The following LRRC20 variants were observed in gnomAD, a reference collection of about 807,000 sequenced individuals.
LRRC20 encodes the protein leucine-rich repeat-containing protein 20.
Under a neutral mutation model 14.4 loss-of-function variants are expected in LRRC20, and 11 were observed. The ratio of observed to expected loss-of-function variants is 0.77; its 90% CI spans 0.48 to 1.27. The LOEUF is 1.27. LRRC20 is among the 50% of genes most tolerant of loss of function. LRRC20 has a pLI of 0.00. For synonymous variants in LRRC20, 121 were observed against 107.3 expected, an observed-to-expected ratio of 1.13 and a Z score of -0.79; for missense variants, 219 against 251.2, an observed-to-expected ratio of 0.87 and a Z score of 0.87.
chr10:70,356,019 C>T (rs943606544), intron 2 of LRRC20, among the ~76,000 whole-genome samples: 19 of 152,188 alleles, frequency 1.2e-4, no homozygotes, highest in African/African-American at 3.6e-4. Context: ...GAGCATGAGG[C>T]CCTCCAGCCA....
chr10:70,330,914 G>A (rs74139080), intron 3 of LRRC20, among the ~76,000 whole-genome samples: 2,090 of 152,302 alleles, frequency 0.014, 54 homozygotes, highest in African/African-American at 0.048. Flanking sequence ...TGAGAAGCAG[G>A]TGACCACACC....
chr10:70,337,591 T>TGGGGAG (rs1456751526), intron 3 of LRRC20, among the ~76,000 whole-genome samples: 2 of 152,170 alleles, frequency 1.3e-5, no homozygotes, highest in Non-Finnish European at 2.9e-5. Context: ...CCATGCCCTC[T>TGGGGAG]GGGGAGGGCC....
chr10:70,376,467 C>T lies in LRRC20; in HGVS notation c.67G>A (p.Gly23Ser), dbSNP rs115734772. 20 of 1,614,096 alleles carry T rather than the reference C, an allele frequency of 1.2e-5. No homozygotes were observed. In the East Asian group the frequency reaches 2.5e-4, roughly 20 times the overall value. ...CCTCACTCACCCAGAGTGTCAGAGC[C>T]GCTCTCCACCGTCTCGTTGACCTTC... ...ARKVNETVES[G>S]SDTLDLAECK... Residue 23 changes from glycine to serine, a missense_variant, in exon 2 of 5, where the codon GGC (glycine) becomes AGC (serine). Transcript: ENST00000446961.
intron 2 of LRRC20, among the ~76,000 whole-genome samples, chr10:70,347,164 TTTATTGGAAA>T (rs201032828): frequency 0.011 from 1,601 of 152,230 alleles, 26 homozygotes; most frequent in African/African-American, 0.037. Context: ...AAAGTTAACT[TTTATTGGAAA>T]AAATAACCTG....
chr10:70,358,625 C>T (rs12769785), intron 2 of LRRC20, among the ~76,000 whole-genome samples: 21,437 of 152,156 alleles, frequency 0.14, 1,675 homozygotes, highest in South Asian at 0.29. Context: ...CATGGCTGGC[C>T]TCAACCACCT....
intron 2 of LRRC20, 50 bp from the exon 3 acceptor site, chr10:70,340,752 G>C: frequency 1.2e-6 from 2 of 1,601,130 alleles, no homozygotes; most frequent in Non-Finnish European, 1.7e-6. Flanking sequence ...ACAGCTGCCC[G>C]AGAACTTGTC....
intron 2 of LRRC20, among the ~76,000 whole-genome samples, chr10:70,357,624 G>A (rs985586642): frequency 2.6e-5 from 4 of 152,254 alleles, no homozygotes; most frequent in East Asian, 1.9e-4. Flanking sequence ...GGAGACAACC[G>A]CATGTGCTAT....
chr10:70,344,505 AT>A (rs946679173), intron 2 of LRRC20, among the ~76,000 whole-genome samples: 3 of 151,996 alleles, frequency 2.0e-5, no homozygotes, highest in African/African-American at 7.3e-5. Flanking sequence ...AATGAGCATA[AT>A]GAAAAATGTA....
chr10:70,324,987 G>A (rs1037514867), intron 3 of LRRC20, among the ~76,000 whole-genome samples: 7 of 152,232 alleles, frequency 4.6e-5, no homozygotes, highest in African/African-American at 1.7e-4. Context: ...GAACACAGGT[G>A]AAGCAGCATG....
At chr10:70,335,580 G>C (rs547392619) in intron 3 of LRRC20, among the ~76,000 whole-genome samples, 1 of 152,184 alleles carries the variant, frequency 6.6e-6, no homozygotes, top group African/African-American at 2.4e-5. Context: ...TGCCTGTTCC[G>C]TGCCTTCCTG....
intron 2 of LRRC20, among the ~76,000 whole-genome samples, chr10:70,357,639 G>C (rs982908905): frequency 1.3e-5 from 2 of 152,104 alleles, no homozygotes; most frequent in Admixed American, 1.3e-4. Context: ...TGCTATCATG[G>C]GCTCTGGGAC....
At chr10:70,334,180 CAGAGT>C (rs1842636837) in intron 3 of LRRC20, among the ~76,000 whole-genome samples, 1 of 151,806 alleles carries the variant, frequency 6.6e-6, no homozygotes, top group Non-Finnish European at 1.5e-5. Flanking sequence ...GTGTTTCTGA[CAGAGT>C]AGATCTGCCT....
intron 2 of LRRC20, among the ~76,000 whole-genome samples, chr10:70,370,823 C>T (rs570256816): frequency 1.1e-4 from 10 of 94,080 alleles, no homozygotes; most frequent in African/African-American, 3.1e-4. Context: ...AGTTTGAGAA[C>T]AGCCTAGGCA....
intron 2 of LRRC20, among the ~76,000 whole-genome samples, chr10:70,374,416 T>C (rs1234152745): frequency 6.7e-6 from 1 of 149,974 alleles, no homozygotes; most frequent in Non-Finnish European, 1.5e-5. Flanking sequence ...AGTGGCGAGA[T>C]CTTGACTCAC....
intron 2 of LRRC20, among the ~76,000 whole-genome samples, chr10:70,366,038 C>T (rs922447752): frequency 1.3e-5 from 2 of 149,248 alleles, no homozygotes; most frequent in Non-Finnish European, 3.0e-5. Flanking sequence ...CCACTGCACT[C>T]CAGCCTGGGT....
At chr10:70,327,189 C>A (rs1842360675) in intron 3 of LRRC20, among the ~76,000 whole-genome samples, 1 of 152,144 alleles carries the variant, frequency 6.6e-6, no homozygotes, top group South Asian at 2.1e-4. Context: ...CTTGAGTAGG[C>A]TAAGGGATGC....
At chr10:70,360,867 C>G (rs761287396) in intron 2 of LRRC20, among the ~76,000 whole-genome samples, 1 of 152,080 alleles carries the variant, frequency 6.6e-6, no homozygotes, top group Admixed American at 6.5e-5. Flanking sequence ...AATTAGGTCC[C>G]ACTGAAATGG....
chr10:70,308,762 A>G (rs1033541065), intron 4 of LRRC20, among the ~76,000 whole-genome samples: 4 of 152,164 alleles, frequency 2.6e-5, no homozygotes, highest in Non-Finnish European at 4.4e-5. Flanking sequence ...GGCTGTTTTC[A>G]GAAGGCAGGG....
chr10:70,371,675 G>A (rs1342045992), intron 2 of LRRC20, among the ~76,000 whole-genome samples: 6 of 152,082 alleles, frequency 3.9e-5, no homozygotes, highest in African/African-American at 1.4e-4. Context: ...AGGGGAAGCA[G>A]ACTACCTAAG....
Sources: gnomAD v4.1 joint callset for allele counts (sites outside exome capture counted in the v4.1 genomes callset) on GRCh38, gnomAD v4.1.1 for gene constraint, MANE v1.5 for transcripts, NCBI Gene and HGNC (gene_info 2026-07-23, HGNC 2026-07-21) for gene names.